The following MCPH1 variants were observed in gnomAD, a reference collection of about 807,000 sequenced individuals.
MCPH1 encodes microcephalin 1, also known as microcephalin.
MCPH1 carries 104 observed loss-of-function variants against 84.5 expected under a neutral mutation model. The ratio of observed to expected loss-of-function variants is 1.23; its 90% CI spans 1.05 to 1.45. MCPH1 has a LOEUF of 1.45. MCPH1 is among the 40% of genes most tolerant of loss of function. MCPH1 has a pLI of 0.00. For synonymous variants in MCPH1, 514 were observed against 366.8 expected (o/e 1.40, Z -4.58); for missense variants, 1,498 against 1,005.7 (o/e 1.49, Z -6.62).
intron 12 of MCPH1, among the ~76,000 whole-genome samples, chr8:6,521,768 T>C (rs1198664287): frequency 6.6e-6 from 1 of 152,224 alleles, no homozygotes; most frequent in Non-Finnish European, 1.5e-5. Flanking sequence ...CATGAAGTGC[T>C]TTTTTGAGAA....
intron 12 of MCPH1, among the ~76,000 whole-genome samples, chr8:6,549,690 G>A: frequency 6.8e-6 from 1 of 147,668 alleles, no homozygotes; most frequent in Non-Finnish European, 1.5e-5. Context: ...CTTCCGTATC[G>A]AGCTGGGCGG....
At chr8:6,569,848 T>C (rs570680827) in intron 12 of MCPH1, among the ~76,000 whole-genome samples, 1 of 152,350 alleles carries the variant, frequency 6.6e-6, no homozygotes, top group East Asian at 1.9e-4. Flanking sequence ...GCCATTTCAC[T>C]GCCAGAGACT....
At chr8:6,434,002 C>A (rs533012512) in intron 4 of MCPH1, among the ~76,000 whole-genome samples, 17 of 152,228 alleles carry the variant, frequency 1.1e-4, no homozygotes, top group South Asian at 2.1e-4. Flanking sequence ...AATCCTTACA[C>A]ATGACCCGTT....
intron 3 of MCPH1, among the ~76,000 whole-genome samples, chr8:6,417,127 A>T (rs776719964): frequency 2.1e-4 from 32 of 152,152 alleles, no homozygotes; most frequent in Admixed American, 5.9e-4. Context: ...TTGAATGTGT[A>T]GTTGCCTGTG....
rs180751935 is a variant in MCPH1, at chr8:6,578,135, G to A, written c.2215-43319G>A. ...CACTGGCATTGTTTCCCAGACACTC[G>A]ACTGTCCCGATGGGCATTTGGACAT... On this transcript the variant is annotated intron_variant, in intron 12 of 13. Coordinates refer to ENST00000344683, the MANE Select transcript of MCPH1 (RefSeq NM_024596.5). Among the ~76,000 whole-genome samples, 264 of 152,280 alleles carry A rather than the reference G, an allele frequency of 1.7e-3. 2 individuals carry two copies. The highest frequency in any genetic ancestry group is 6.1e-3 in the African/African-American group (254 of 41,554).
intron 12 of MCPH1, among the ~76,000 whole-genome samples, chr8:6,593,080 G>GT (rs1563164687): frequency 5.0e-4 from 48 of 96,022 alleles, no homozygotes; most frequent in African/African-American, 1.8e-3. Flanking sequence ...TTTAGGGTGT[G>GT]GTTTTTTTTT....
intron 9 of MCPH1, among the ~76,000 whole-genome samples, chr8:6,460,926 G>A (rs1806209651): frequency 6.6e-6 from 1 of 152,172 alleles, no homozygotes; most frequent in Non-Finnish European, 1.5e-5. Flanking sequence ...ACAGTGAGGA[G>A]CCTATTTCAA....
At chr8:6,406,719 A>G (rs536383804) in intron 1 of MCPH1, 30 bp downstream of exon 1, 40 of 1,610,696 alleles carry the variant, frequency 2.5e-5, no homozygotes, top group Admixed American at 3.3e-5. Context: ...CTGCTCCAGC[A>G]GCGGGAGTTT....
intron 8 of MCPH1, among the ~76,000 whole-genome samples, chr8:6,450,060 G>T (rs1406689397): frequency 1.3e-5 from 2 of 152,184 alleles, no homozygotes; most frequent in African/African-American, 4.8e-5. Flanking sequence ...TTTGCTGTGT[G>T]TGATGGATTT....
chr8:6,436,097 A>G lies in MCPH1; in HGVS notation c.371A>G (p.Asp124Gly), dbSNP rs531760334. ...KDFNFKTPEN[D>G]KRFQKKFEKM... is the part of the protein sequence containing the mutation. ...TTTAATTTTAAAACACCAGAAAATG[A>G]TAAGAGATTTCAGAAGAAATTTGAG... Residue 124 changes from aspartate to glycine, a missense_variant, in exon 5 of 14, where the codon GAT becomes GGT. Coordinates refer to ENST00000344683, the MANE Select transcript of MCPH1 (RefSeq NM_024596.5). The G allele has an allele frequency of 7.1e-5, 115 of 1,613,878 alleles. No homozygotes were observed. The highest frequency in any genetic ancestry group is 3.8e-4 in the South Asian group (35 of 91,046).
At chr8:6,465,011 A>AG (rs1364263988) in intron 9 of MCPH1, among the ~76,000 whole-genome samples, 1 of 151,970 alleles carries the variant, frequency 6.6e-6, no homozygotes, top group East Asian at 1.9e-4. Flanking sequence ...AAAAAAAAAA[A>AG]AGAAAAATTC....
At chr8:6,624,232 A>G (rs1440864798) in intron 13 of MCPH1, among the ~76,000 whole-genome samples, 5 of 152,256 alleles carry the variant, frequency 3.3e-5, no homozygotes, top group African/African-American at 1.2e-4. Flanking sequence ...CCTGGGCCAC[A>G]GGCCCCAGCC....
chr8:6,521,602 G>A (rs1365245557), intron 12 of MCPH1, among the ~76,000 whole-genome samples: 1 of 152,198 alleles, frequency 6.6e-6, no homozygotes, highest in Non-Finnish European at 1.5e-5. Flanking sequence ...GTGTATATAT[G>A]TAAACGTATA....
intron 13 of MCPH1, among the ~76,000 whole-genome samples, chr8:6,642,016 C>G (rs1386093519): frequency 6.6e-6 from 1 of 152,120 alleles, no homozygotes; most frequent in African/African-American, 2.4e-5. Context: ...TGAGCTATAA[C>G]TAAGATAAGT....
At chr8:6,631,236 C>G (rs766307461) in intron 13 of MCPH1, among the ~76,000 whole-genome samples, 11 of 152,184 alleles carry the variant, frequency 7.2e-5, no homozygotes, top group Non-Finnish European at 1.2e-4. Flanking sequence ...TCCTCATCTC[C>G]ATCTCACATA....
At chr8:6,509,475 G>A (rs750810738) in intron 12 of MCPH1, among the ~76,000 whole-genome samples, 4 of 152,180 alleles carry the variant, frequency 2.6e-5, no homozygotes, top group Non-Finnish European at 5.9e-5. Flanking sequence ...GGGGGCCCCG[G>A]GGGGGATGGA....
chr8:6,598,319 G>A (rs1829082445), intron 12 of MCPH1, among the ~76,000 whole-genome samples: 1 of 152,180 alleles, frequency 6.6e-6, no homozygotes, highest in South Asian at 2.1e-4. Flanking sequence ...CTCACAGTCA[G>A]GAACAGAACT....
chr8:6,415,419 C>G (rs1799134157), intron 3 of MCPH1, among the ~76,000 whole-genome samples: 1 of 151,884 alleles, frequency 6.6e-6, no homozygotes, highest in African/African-American at 2.4e-5. Context: ...TCCCAAGTAG[C>G]TGGGATTCAT....
chr8:6,490,683 A>T (rs2440406), intron 11 of MCPH1, among the ~76,000 whole-genome samples: 4 of 152,184 alleles, frequency 2.6e-5, no homozygotes, highest in South Asian at 2.1e-4. Flanking sequence ...TTAATTTCCA[A>T]TGAATTGAAT....
Sources: gnomAD v4.1 joint callset for allele counts (sites outside exome capture counted in the v4.1 genomes callset) on GRCh38, gnomAD v4.1.1 for gene constraint, MANE v1.5 for transcripts, NCBI Gene and HGNC (gene_info 2026-07-23, HGNC 2026-07-21) for gene names.